The following LRP1 variants were observed in gnomAD, a reference collection of about 807,000 sequenced individuals.
LRP1 encodes LDL receptor related protein 1, also known as prolow-density lipoprotein receptor-related protein 1.
LRP1 carries 51 observed loss-of-function variants against 541.5 expected under a neutral mutation model. That is an observed-to-expected ratio of 0.09 (90% CI 0.08 to 0.12). The LOEUF (loss-of-function observed/expected upper bound fraction) is 0.12. LRP1 is among the 10% of genes least tolerant of loss of function. LRP1 has a pLI of 1.00. For synonymous variants in LRP1, 2,219 were observed against 2,470.8 expected (o/e 0.90, Z 3.02); for missense variants, 3,878 against 6,376.2 (o/e 0.61, Z 13.34).
rs149305474 is a variant in LRP1, at chr12:57,134,736, G to A, written c.68-3723G>A. On this transcript the variant is annotated intron_variant, in intron 1 of 88. Transcript: ENST00000243077. ...TTTTTTTCTTTTGAGATGGAATCTCGCTCTGTTGCCCAGGCTGGAGTGCAG... is the reference window on the plus strand; with the variant it reads ...TTTTTTTCTTTTGAGATGGAATCTCACTCTGTTGCCCAGGCTGGAGTGCAG... 5.2e-3 allele frequency among the ~76,000 whole-genome samples: 779 copies of A among 151,156 alleles called. 19 individuals carry two copies. The highest frequency in any genetic ancestry group is 0.038 in the East Asian group (195 of 5,138).
Position 57,211,130 on chromosome 12 carries a change from T to C in LRP1, c.12917-46T>C. ...GCTCTGTTCAACCTATGGAGAGCCC[T>C]CATGAGGGTGGGGCTTGAGGCACTT... On this transcript the variant is annotated intron_variant, in intron 83 of 88. Transcript: ENST00000243077. The surrounding 1 kb of genome is among the most constrained non-coding windows in gnomAD (Gnocchi z 4.3). 1 of 1,596,564 alleles carries C rather than the reference T, an allele frequency of 6.3e-7. No individual in the cohort carries two copies. Among genetic ancestry groups the C allele is most frequent in the Non-Finnish European group, 8.6e-7 (1 of 1,166,328 alleles).
intron 2 of LRP1, 69 bp downstream of exon 2, chr12:57,138,650 G>A: frequency 1.9e-6 from 3 of 1,589,774 alleles, no homozygotes; most frequent in Non-Finnish European, 8.6e-7. Context: ...CAGATGTTTG[G>A]GAGGAGGACA....
chr12:57,178,771 T>C lies in LRP1; in HGVS notation c.4607-119T>C. ...GGCACTGTCTAGCAGCAGAGAAGGGTCTAGTAGTAGCGGCTGCTGGAACAG... is the reference window on the plus strand; with the variant it reads ...GGCACTGTCTAGCAGCAGAGAAGGGCCTAGTAGTAGCGGCTGCTGGAACAG... On this transcript the variant is annotated intron_variant, in intron 27 of 88. Transcript: ENST00000243077. The surrounding 1 kb of genome is among the most constrained non-coding windows in gnomAD (Gnocchi z 5.8). 1 of 1,508,776 alleles carries C rather than the reference T, an allele frequency of 6.6e-7. No individual in the cohort carries two copies. The highest frequency in any genetic ancestry group is 8.9e-7 in the Non-Finnish European group (1 of 1,117,740). The allele number at this position is 1,508,776 out of a possible 1,614,324, so 93.5% of individuals were successfully genotyped here. A position where few individuals can be genotyped will look rare whatever the true frequency, so the allele number is the denominator to read the frequency against.
chr12:57,158,821 G>A lies in LRP1; in HGVS notation c.1798+183G>A, dbSNP rs1252704301. Among the ~76,000 whole-genome samples, 1 of 152,184 alleles carries A rather than the reference G, an allele frequency of 6.6e-6. No individual in the cohort carries two copies. The highest frequency in any genetic ancestry group is 2.4e-5 in the African/African-American group (1 of 41,450). On this transcript the variant is annotated intron_variant, in intron 11 of 88. Transcript: ENST00000243077. This position sits in a 1 kb window ranked among gnomAD's most constrained non-coding sequence, Gnocchi z 5.3. ...ACCCCCTTCTTGGCTGAGCCAAAGA[G>A]GCAGGGTTAGGATGGGTTAGGCAGC...
Position 57,212,634 on chromosome 12 carries a change from C to G in LRP1, c.*79C>G. 1 of 1,415,082 alleles carries G rather than the reference C, an allele frequency of 7.1e-7. No homozygotes were observed. Among genetic ancestry groups the G allele is most frequent in the Non-Finnish European group, 9.5e-7 (1 of 1,049,538 alleles). 87.7% of individuals were successfully genotyped at this position (1,415,082 alleles called of 1,614,324 possible). ...GTCCTTCAGTGAGCCCCTCCCCAGC[C>G]AGCCCTTCCCTGGCCCCGCCGGATG... On this transcript the variant is annotated 3_prime_UTR_variant, in exon 89 of 89. Transcript: ENST00000243077. The surrounding 1 kb of genome is among the most constrained non-coding windows in gnomAD (Gnocchi z 5.0).
At chr12:57,208,652 C>A in intron 77 of LRP1, 59 bp from the exon 78 acceptor site, 1 of 1,061,484 alleles carries the variant, frequency 9.4e-7, no homozygotes, top group Non-Finnish European at 1.4e-6. Flanking sequence ...GGTGTCCTGC[C>A]TGGGCCTGCC....
Position 57,206,777 on chromosome 12 carries a change from G to A in LRP1, c.11859+36G>A. On this transcript the variant is annotated intron_variant, in intron 76 of 88. Transcript: ENST00000243077. This position sits in a 1 kb window ranked among gnomAD's most constrained non-coding sequence, Gnocchi z 4.7. ...AACCTGGCGTGGATGGAGTGGAAGAGCTCCATAGAGCAGGCGGTTCAGAGC... is the reference window on the plus strand; with the variant it reads ...AACCTGGCGTGGATGGAGTGGAAGAACTCCATAGAGCAGGCGGTTCAGAGC... 1 of 1,598,946 alleles carries A rather than the reference G, an allele frequency of 6.3e-7. No homozygotes were observed. Among genetic ancestry groups the A allele is most frequent in the South Asian group, 1.1e-5 (1 of 90,752 alleles).
chr12:57,147,494 G>C (rs1476442683), intron 6 of LRP1: 1 of 152,314 alleles, frequency 6.6e-6, no homozygotes, highest in Non-Finnish European at 1.5e-5. Flanking sequence ...AAGAAGAAAG[G>C]CTGCAGCTTT....
chr12:57,187,506 G>C, intron 42 of LRP1, 50 bp downstream of exon 42: 1 of 1,569,894 alleles, frequency 6.4e-7, no homozygotes, highest in Non-Finnish European at 8.6e-7. Flanking sequence ...GGGACTCGGG[G>C]TGGCAGAAAC....
intron 79 of LRP1, among the ~76,000 whole-genome samples, 174 bp from the exon 80 acceptor site, chr12:57,209,518 T>C (rs1240554939): frequency 1.3e-5 from 2 of 152,182 alleles, no homozygotes; most frequent in Non-Finnish European, 2.9e-5. Context: ...CTGGGGGTGA[T>C]GGGACCTTTT....
rs1382163374 is a variant in LRP1 at position 57,162,793 on chromosome 12, A to G, written c.2405-65A>G. On this transcript the variant is annotated intron_variant, in intron 14 of 88. Transcript: ENST00000243077. The surrounding 1 kb of genome is among the most constrained non-coding windows in gnomAD (Gnocchi z 5.2). ...CACATCTTAATGTGTCTCCTCCCCTATCCCTTCTCTGACCTCTCCTCACCT... is the reference window on the plus strand; with the variant it reads ...CACATCTTAATGTGTCTCCTCCCCTGTCCCTTCTCTGACCTCTCCTCACCT... 6.6e-7 allele frequency: 1 copy of G among 1,518,170 alleles called. No individual in the cohort carries two copies. The allele number at this position is 1,518,170 out of a possible 1,614,324, so 94.0% of individuals were successfully genotyped here.
rs1315413954 is a variant in LRP1 at position 57,184,788 on chromosome 12, G to T, written c.6187-51G>T. The T allele has an allele frequency of 1.9e-6, 3 of 1,579,962 alleles. No homozygotes were observed. Among genetic ancestry groups the T allele is most frequent in the Non-Finnish European group, 2.6e-6 (3 of 1,158,924 alleles). The stretch of plus-strand genomic sequence containing the variant: ...CACTCCCTGCTGCCCCAGACATGGG[G>T]CTGGCAGCGAGCTCAGCCCTGGAGG... On this transcript the variant is annotated intron_variant, in intron 38 of 88. Coordinates refer to ENST00000243077, the MANE Select transcript of LRP1 (RefSeq NM_002332.3). The surrounding 1 kb of genome is among the most constrained non-coding windows in gnomAD (Gnocchi z 7.8).
At position 57,206,514 on chromosome 12, in the gene LRP1, A is replaced by C. The variant is rs766965751; in HGVS notation, c.11632A>C (p.Ile3878Leu). The change falls in exon 76 of 89, where the codon ATC becomes CTC. Residue 3878 changes from isoleucine to leucine, a missense_variant. Ile to Leu is a conservative substitution (Grantham distance 5, BLOSUM62 2). Transcript: ENST00000243077. The surrounding 1 kb of genome is among the most constrained non-coding windows in gnomAD (Gnocchi z 4.7). ...QVLYIADDNEIRSLFPGHPHS... is the reference protein window; with the variant it reads ...QVLYIADDNELRSLFPGHPHS... ...CCTGTACATCGCTGATGACAATGAGATCCGCAGCCTGTTCCCCGGCCACCC... is the reference window on the plus strand; with the variant it reads ...CCTGTACATCGCTGATGACAATGAGCTCCGCAGCCTGTTCCCCGGCCACCC... 3.8e-5 allele frequency: 62 copies of C among 1,614,054 alleles called. 2 individuals carry two copies. The South Asian group carries it at 6.8e-4, about 18-fold the overall frequency.
chr12:57,146,895 C>G (rs557968647), intron 6 of LRP1, among the ~76,000 whole-genome samples: 13 of 151,646 alleles, frequency 8.6e-5, no homozygotes, highest in African/African-American at 3.1e-4. Context: ...CACTGACCTA[C>G]TCAACAGGCC....
At chr12:57,190,660 AT>A (rs1291990809) in intron 42 of LRP1, 144 bp from the exon 43 acceptor site, 4 of 665,268 alleles carry the variant, frequency 6.0e-6, no homozygotes, top group Non-Finnish European at 1.1e-5. Context: ...CTTCCTGGGC[AT>A]TGGGGCACTG....
chr12:57,209,976 G>T, intron 80 of LRP1, 53 bp from the exon 81 acceptor site: 1 of 1,584,032 alleles, frequency 6.3e-7, no homozygotes, highest in Non-Finnish European at 8.6e-7. Context: ...GGGCTCACAG[G>T]GCTCAGAGAA....
Position 57,138,476 on chromosome 12 carries a change from C to A in LRP1, c.85C>A (p.Pro29Thr). 2 of 1,613,940 alleles carry A rather than the reference C, an allele frequency of 1.2e-6. No individual in the cohort carries two copies. The highest frequency in any genetic ancestry group is 1.7e-6 in the Non-Finnish European group (2 of 1,179,920). Residue 29 changes from proline (P) to threonine (T), a missense_variant, in exon 2 of 89, where the codon CCC (proline) becomes ACC (threonine). By Grantham distance (38) the Pro-to-Thr change is conservative (BLOSUM62 -1). Transcript: ENST00000243077. Reference sequence around the variant, plus strand: ...TGCCCTAGCCCCTAAGACTTGCAGCCCCAAGCAGTTTGCCTGCAGAGATCA... The same window carrying A: ...TGCCCTAGCCCCTAAGACTTGCAGCACCAAGCAGTTTGCCTGCAGAGATCA... ...AAIDAPKTCS[P>T]KQFACRDQIT...
chr12:57,209,597 G>C, intron 79 of LRP1, 95 bp from the exon 80 acceptor site: 1 of 1,052,758 alleles, frequency 9.5e-7, no homozygotes, highest in Non-Finnish European at 1.5e-6. Flanking sequence ...TGTTGAGTTT[G>C]AGGTGTCTGG....
rs780102232 is a variant in LRP1, at chr12:57,158,473, G to A, written c.1633G>A (p.Ala545Thr). The A allele has an allele frequency of 2.5e-6, 4 of 1,614,170 alleles. No individual in the cohort carries two copies. The highest frequency in any genetic ancestry group is 2.2e-5 in the East Asian group (1 of 44,884). Residue 545 changes from alanine (A) to threonine (T), a missense_variant, in exon 11 of 89, where the codon GCC becomes ACC. This residue lies in a region of LRP1 where 496 missense variants were observed against 861.0 expected (regional missense o/e 0.58). Transcript: ENST00000243077. This position sits in a 1 kb window ranked among gnomAD's most constrained non-coding sequence, Gnocchi z 5.3. ...CATCATCCGGGGCATGGATATGGGG[G>A]CCAAGGTCCCGGATGAGCACATGAT... The part of the protein sequence containing the change: ...PGIIRGMDMG[A>T]KVPDEHMIPI...
Sources: allele counts gnomAD v4.1 joint callset (sites outside exome capture counted in the v4.1 genomes callset), GRCh38; gene constraint gnomAD v4.1.1; regional missense constraint gnomAD v4.1.1; non-coding constraint Gnocchi (gnomAD v3.1); transcripts MANE v1.5; gene names NCBI Gene and HGNC (gene_info 2026-07-23, HGNC 2026-07-21).